The following ZFHX3 variants were observed in gnomAD, a reference collection of about 807,000 sequenced individuals.
ZFHX3 encodes the protein zinc finger homeobox protein 3.
ZFHX3 carries 42 observed loss-of-function variants against 279.1 expected under a neutral mutation model. That is an observed-to-expected ratio of 0.15 (90% confidence interval 0.12 to 0.19). ZFHX3 has a LOEUF of 0.19. Ranked by LOEUF, ZFHX3 falls within the 10% of genes least tolerant of loss-of-function variation. The pLI is 1.00. For synonymous variants in ZFHX3, 2,293 were observed against 1,957.8 expected (o/e 1.17, Z -4.52); for missense variants, 4,981 against 4,754.0 (o/e 1.05, Z -1.40).
At chr16:73,173,782 C>A (rs1967595015) in intron 5 of ZFHX3, among the ~76,000 whole-genome samples, 1 of 152,126 alleles carries the variant, frequency 6.6e-6, no homozygotes, top group African/African-American at 2.4e-5. Context: ...ATATACCCTG[C>A]CATTCCCATG....
chr16:72,976,682 C>T (rs1393216056), intron 1 of ZFHX3, among the ~76,000 whole-genome samples: 1 of 152,198 alleles, frequency 6.6e-6, no homozygotes, highest in South Asian at 2.1e-4. Context: ...GGTTACTGCT[C>T]GCCTCATTCC....
chr16:73,849,876 G>T (rs189636528), intron 1 of ZFHX3, among the ~76,000 whole-genome samples: 1 of 152,298 alleles, frequency 6.6e-6, no homozygotes, highest in East Asian at 1.9e-4. Flanking sequence ...GGGATTACAG[G>T]CACCTGCCAC....
chr16:72,812,294 G>A (rs1334613930), intron 5 of ZFHX3, among the ~76,000 whole-genome samples: 1 of 152,126 alleles, frequency 6.6e-6, no homozygotes, highest in Non-Finnish European at 1.5e-5. Flanking sequence ...TGGAATAAAA[G>A]GCTCTGGAGT....
rs1567550766 is a variant in ZFHX3, at chr16:73,682,976, A to AAG, written c.-1607-2738_-1607-2737dup. ...AAAGAAAGAAAGAAAGAAAGAAAGA[A>AAG]AGAAAGAAAGAAAGAAAAGAAAGAA... On this transcript the variant is annotated intron_variant, in intron 1 of 17. Coordinates refer to the ZFHX3 transcript ENST00000641206. Among the ~76,000 whole-genome samples, 2 of 39,458 alleles carry AAG rather than the reference A, an allele frequency of 5.1e-5. 1 individual carries two copies. The highest frequency in any genetic ancestry group is 5.1e-4 in the Admixed American group (2 of 3,884). 25.9% of individuals were successfully genotyped at this position (39,458 alleles called of 152,430 possible). A position where few individuals can be genotyped will look rare whatever the true frequency, so the allele number is the denominator to read the frequency against.
chr16:72,829,677 C>A, intron 5 of ZFHX3, 102 bp downstream of exon 5: 1 of 1,332,522 alleles, frequency 7.5e-7, no homozygotes. Context: ...AGGATGTATC[C>A]GCTCCCTGAC....
chr16:72,982,874 G>A (rs369603223), intron 1 of ZFHX3, among the ~76,000 whole-genome samples: 6 of 152,296 alleles, frequency 3.9e-5, no homozygotes, highest in East Asian at 3.9e-4. Context: ...GTAAAAAGAT[G>A]TAATAAGCTG....
chr16:73,123,023 G>A (rs1241288788), intron 7 of ZFHX3, among the ~76,000 whole-genome samples: 1 of 152,032 alleles, frequency 6.6e-6, no homozygotes, highest in Non-Finnish European at 1.5e-5. Context: ...ATTATTTTCA[G>A]TCTGGTGGTA....
At chr16:72,936,617 T>C (rs138184948) in intron 3 of ZFHX3, among the ~76,000 whole-genome samples, 1 of 152,280 alleles carries the variant, frequency 6.6e-6, no homozygotes, top group Non-Finnish European at 1.5e-5. Context: ...CAGCTTAGCA[T>C]GTTGAATGAA....
At chr16:72,824,285 C>A (rs573150771) in intron 5 of ZFHX3, among the ~76,000 whole-genome samples, 2 of 152,320 alleles carry the variant, frequency 1.3e-5, no homozygotes, top group East Asian at 3.9e-4. Flanking sequence ...GTCACCCAGA[C>A]CTTGCCAGCC....
rs745604317 is a variant in ZFHX3, at chr16:72,788,535, G to A, written c.9741C>T (p.His3247=). 7 of 1,614,046 alleles carry A rather than the reference G, an allele frequency of 4.3e-6. No homozygotes were observed. The Admixed American group carries it at 6.7e-5, about 15-fold the overall frequency. Residue 3247 remains histidine, a synonymous_variant, in exon 10 of 10, where the codon CAC becomes CAT. Transcript: ENST00000268489. ...CAGGCAGGGGTTCCCCTTTCCCTTT[G>A]TGTGCCTTTTCCTTCTCCTTTACTT... ...SEKVKEKEKA[H]KGKGEPLPVP...
chr16:73,412,768 A>G (rs1392483310), intron 3 of ZFHX3, among the ~76,000 whole-genome samples: 1 of 152,264 alleles, frequency 6.6e-6, no homozygotes, highest in Non-Finnish European at 1.5e-5. Flanking sequence ...GTTCCGAACA[A>G]CAGACTTAAA....
intron 4 of ZFHX3, among the ~76,000 whole-genome samples, chr16:73,288,148 C>A (rs1375584351): frequency 1.3e-5 from 2 of 151,196 alleles, no homozygotes; most frequent in African/African-American, 4.9e-5. Context: ...TCTTTATCAG[C>A]CTCTCTTGCC....
At chr16:73,264,044 G>A (rs1181878520) in intron 4 of ZFHX3, among the ~76,000 whole-genome samples, 2 of 152,112 alleles carry the variant, frequency 1.3e-5, no homozygotes, top group Admixed American at 1.3e-4. Flanking sequence ...GCAGACGCCT[G>A]TGGTCCCAGC....
intron 2 of ZFHX3, among the ~76,000 whole-genome samples, chr16:73,519,824 G>A (rs1387194838): frequency 6.6e-6 from 1 of 152,062 alleles, no homozygotes; most frequent in Non-Finnish European, 1.5e-5. Context: ...TTAGCAAACC[G>A]TACTCAGATA....
At chr16:72,790,230 AGTGTGTGCTG>A (rs2035640596) in intron 9 of ZFHX3, 3 of 152,788 alleles carry the variant, frequency 2.0e-5, no homozygotes, top group African/African-American at 4.8e-5. Context: ...GGTGGGGTGC[AGTGTGTGCTG>A]GACGATGAAA....
In ZFHX3 at chr16:72,783,186, T is replaced by C. The variant is rs2035198616; in HGVS notation, c.*3978A>G. ...CACTTGCTCTATTTTTTTTGTTGTT[T>C]TTTGTTTTTTTTTCTTTTTGTACAT... On this transcript the variant is annotated 3_prime_UTR_variant, in exon 10 of 10. Transcript: ENST00000268489. The C allele has an allele frequency of 6.6e-6, 1 of 152,502 alleles. No homozygotes were observed. The highest frequency in any genetic ancestry group is 2.4e-5 in the African/African-American group (1 of 41,394). 9.4% of individuals were successfully genotyped at this position (152,502 alleles called of 1,614,324 possible).
intron 4 of ZFHX3, among the ~76,000 whole-genome samples, chr16:73,292,151 A>T (rs2014787659): frequency 6.6e-6 from 1 of 152,256 alleles, no homozygotes; most frequent in Admixed American, 6.5e-5. Context: ...AACAAATCAA[A>T]GGGAAACACT....
chr16:73,889,865 T>C (rs1481773725), intron 1 of ZFHX3, among the ~76,000 whole-genome samples: 1 of 152,224 alleles, frequency 6.6e-6, no homozygotes, highest in Non-Finnish European at 1.5e-5. Flanking sequence ...TGTGTATTAT[T>C]CTTGTGAATA....
chr16:73,308,248 TA>T (rs1205625890), intron 4 of ZFHX3, among the ~76,000 whole-genome samples: 13 of 29,018 alleles, frequency 4.5e-4, no homozygotes, highest in African/African-American at 1.1e-3. Flanking sequence ...TATATATATA[TA>T]TATATATATA....
Sources: allele counts gnomAD v4.1 joint callset (sites outside exome capture counted in the v4.1 genomes callset), GRCh38; gene constraint gnomAD v4.1.1; transcripts MANE v1.5; gene names NCBI Gene and HGNC (gene_info 2026-07-23, HGNC 2026-07-21).